Variants in SDK2 observed in about 807,000 individuals in gnomAD.
SDK2 encodes sidekick cell adhesion molecule 2.
SDK2 carries 105 observed loss-of-function variants against 253.9 expected under a neutral mutation model. The observed-to-expected ratio is 0.41, with a 90% CI of 0.35 to 0.49. The LOEUF is 0.49. SDK2 is among the 20% of genes least tolerant of loss of function. The probability of loss-of-function intolerance (pLI) is 0.06; values close to 1 mark genes in which losing one functional copy is unlikely to be tolerated. For synonymous variants in SDK2, 1,249 were observed against 1,234.9 expected (o/e 1.01, Z -0.24); for missense variants, 2,608 against 3,003.0 (o/e 0.87, Z 3.07).
intron 18 of SDK2, among the ~76,000 whole-genome samples, chr17:73,408,394 TTTA>T (rs200805944): frequency 3.0e-3 from 113 of 37,428 alleles, no homozygotes; most frequent in Middle Eastern, 0.02. Context: ...TTTTTTTTTT[TTTA>T]ATATTTTTAG....
chr17:73,399,145 G>C (rs775526362), intron 22 of SDK2, 23 bp downstream of exon 22: 6 of 1,612,320 alleles, frequency 3.7e-6, no homozygotes, highest in Non-Finnish European at 5.1e-6. Flanking sequence ...GGGGCTGCTG[G>C]TCAGGCCCCA....
chr17:73,424,237 G>C, intron 12 of SDK2, 145 bp from the exon 13 acceptor site: 2 of 669,776 alleles, frequency 3.0e-6, no homozygotes, highest in South Asian at 1.9e-5. Flanking sequence ...ACTGGGATCG[G>C]GGAGCGGGAC....
intron 36 of SDK2, among the ~76,000 whole-genome samples, chr17:73,374,319 C>G (rs773696059): frequency 7.0e-6 from 1 of 143,780 alleles, no homozygotes; most frequent in Non-Finnish European, 1.5e-5. Flanking sequence ...GTCCAACAGA[C>G]GTCTCAAACC....
In SDK2 at chr17:73,350,344, G is replaced by A. The variant is rs569602552; in HGVS notation, c.5931C>T (p.His1977=). Residue 1977 remains histidine (H), a synonymous_variant, in exon 43 of 45, where the codon CAC becomes CAT. Transcript: ENST00000392650. ...TTTCATCCAAGCTCATCATCTCGCT[G>A]TGGCCTAGGGCTCCAGACTTGGCAC... ...GNSAKSGALG[H]SEMMSLDESS... 5.7e-5 allele frequency: 92 copies of A among 1,613,820 alleles called. No individual in the cohort carries two copies. The South Asian group carries it at 9.1e-4, about 16-fold the overall frequency.
intron 1 of SDK2, among the ~76,000 whole-genome samples, chr17:73,568,088 G>T (rs2045333657): frequency 6.6e-6 from 1 of 152,174 alleles, no homozygotes; most frequent in Admixed American, 6.5e-5. Context: ...GTGGAAACCG[G>T]ATCCTAAATG....
At chr17:73,403,000 T>C (rs1158080648) in intron 18 of SDK2, among the ~76,000 whole-genome samples, 1 of 151,942 alleles carries the variant, frequency 6.6e-6, no homozygotes, top group Non-Finnish European at 1.5e-5. Context: ...GGTTTCACCA[T>C]GTTGGCCAGG....
chr17:73,383,838 C>G lies in SDK2; in HGVS notation c.4705+38G>C, dbSNP rs779979198. 3 of 1,610,692 alleles carry G rather than the reference C, an allele frequency of 1.9e-6. No homozygotes were observed. The highest frequency in any genetic ancestry group is 2.2e-5 in the South Asian group (2 of 90,972). ...GCGGGAAGGTGAGGGTGACCGCCCC[C>G]ATCCCACCCATTCCTCTGGCTCCCA... On this transcript the variant is annotated intron_variant, in intron 33 of 44. Transcript: ENST00000392650. The surrounding 1 kb of genome is among the most constrained non-coding windows in gnomAD (Gnocchi z 4.3).
At chr17:73,513,429 G>A (rs1280555479) in intron 1 of SDK2, among the ~76,000 whole-genome samples, 3 of 152,152 alleles carry the variant, frequency 2.0e-5, no homozygotes, top group Admixed American at 6.5e-5. Flanking sequence ...TATCACACTG[G>A]CCAAGATGTA....
intron 1 of SDK2, among the ~76,000 whole-genome samples, chr17:73,603,286 G>T (rs1567867544): frequency 6.6e-6 from 1 of 152,154 alleles, no homozygotes. Context: ...TATCTATCCT[G>T]GAAGTGACCA....
chr17:73,417,099 A>G (rs1215321966), intron 16 of SDK2, among the ~76,000 whole-genome samples: 1 of 151,676 alleles, frequency 6.6e-6, no homozygotes, highest in East Asian at 1.9e-4. Context: ...GTTTTTGGGG[A>G]GTCAAAAATT....
intron 1 of SDK2, among the ~76,000 whole-genome samples, chr17:73,584,732 A>C (rs1465993039): frequency 2.0e-5 from 3 of 152,102 alleles, no homozygotes; most frequent in Non-Finnish European, 4.4e-5. Flanking sequence ...TCAACTGTCA[A>C]ATGGGAGGGT....
Position 73,348,955 on chromosome 17 carries a change from G to T in SDK2, c.6039-230C>A, listed in dbSNP as rs115539695. 4.6e-3 allele frequency among the ~76,000 whole-genome samples: 701 copies of T among 152,340 alleles called. 9 individuals are homozygous for T. The highest frequency in any genetic ancestry group is 0.016 in the African/African-American group (660 of 41,576). On this transcript the variant is annotated intron_variant, in intron 43 of 44. Coordinates refer to ENST00000392650, the MANE Select transcript of SDK2 (RefSeq NM_001144952.2). ...CTAATGCTGTCATGGCAACATGCAG[G>T]GTGAATGTAGGGGGGATGTCACCGT...
chr17:73,448,518 C>T (rs1369540243), intron 4 of SDK2, among the ~76,000 whole-genome samples: 1 of 152,140 alleles, frequency 6.6e-6, no homozygotes, highest in African/African-American at 2.4e-5. Flanking sequence ...GTGCGCGCCA[C>T]TACCCCTGGC....
chr17:73,467,214 C>T lies in SDK2; in HGVS notation c.331+4898G>A, dbSNP rs2063608335. ...AGGGCTGTCCCTGATTCTGTCTGAA[C>T]TCTGACCCCAGCAGCTCACCCTCAC... On this transcript the variant is annotated intron_variant, in intron 3 of 44. Transcript: ENST00000392650. The surrounding 1 kb of genome is among the most constrained non-coding windows in gnomAD (Gnocchi z 4.1). Among the ~76,000 whole-genome samples the T allele has an allele frequency of 6.6e-6, 1 of 152,028 alleles. No individual in the cohort carries two copies.
At chr17:73,551,247 T>C (rs367905063) in intron 1 of SDK2, among the ~76,000 whole-genome samples, 1 of 152,274 alleles carries the variant, frequency 6.6e-6, no homozygotes, top group African/African-American at 2.4e-5. Context: ...TTCTGGTGCC[T>C]TCGTGATAAA....
At chr17:73,565,926 C>A (rs144830628) in intron 1 of SDK2, among the ~76,000 whole-genome samples, 1 of 152,330 alleles carries the variant, frequency 6.6e-6, no homozygotes. Flanking sequence ...CAGGTTCAAG[C>A]GATTCTCCTG....
intron 4 of SDK2, among the ~76,000 whole-genome samples, chr17:73,452,978 AAG>A (rs2063499373): frequency 6.6e-6 from 1 of 152,176 alleles, no homozygotes; most frequent in African/African-American, 2.4e-5. Context: ...AGTTAGGCCT[AAG>A]AGGGCACACT....
At chr17:73,557,372 G>A (rs143081062) in intron 1 of SDK2, among the ~76,000 whole-genome samples, 3,668 of 151,736 alleles carry the variant, frequency 0.024, 146 homozygotes, top group African/African-American at 0.084. Flanking sequence ...GCACGATCTC[G>A]GCTCACTGCA....
At chr17:73,440,619 G>A (rs12601175) in intron 6 of SDK2, among the ~76,000 whole-genome samples, 193 bp downstream of exon 6, 32,212 of 151,934 alleles carry the variant, frequency 0.21, 3,664 homozygotes, top group East Asian at 0.34. Flanking sequence ...CTCTTCTTGG[G>A]CTACAGAGAA....
Sources: gnomAD v4.1 joint callset for allele counts (sites outside exome capture counted in the v4.1 genomes callset) on GRCh38, gnomAD v4.1.1 for gene constraint, Gnocchi (gnomAD v3.1) non-coding constraint, MANE v1.5 for transcripts, NCBI Gene and HGNC (gene_info 2026-07-23, HGNC 2026-07-21) for gene names.